The following NXPE2 variants were observed in gnomAD, a reference collection of about 807,000 sequenced individuals.
The protein encoded by NXPE2 is neurexophilin and PC-esterase domain family member 2.
A neutral mutation model predicts 34.4 loss-of-function variants in NXPE2; 34 were observed. The observed-to-expected ratio is 0.99, with a 90% CI of 0.75 to 1.31. The LOEUF (loss-of-function observed/expected upper bound fraction) is 1.31. NXPE2 is among the 40% of genes most tolerant of loss of function. The pLI, the probability that NXPE2 is intolerant of heterozygous loss-of-function variation, is 0.00. For synonymous variants in NXPE2, 235 were observed against 231.3 expected, an observed-to-expected ratio of 1.02 and a Z score of -0.15; for missense variants, 649 against 672.5, an observed-to-expected ratio of 0.97 and a Z score of 0.39.
At chr11:114,691,772 G>T (rs1951155509) in intron 2 of NXPE2, among the ~76,000 whole-genome samples, 1 of 152,212 alleles carries the variant, frequency 6.6e-6, no homozygotes, top group Non-Finnish European at 1.5e-5. Flanking sequence ...GCTTTGGTGA[G>T]CTGTGCTCCC....
At chr11:114,759,356 C>G in the NXPE2 span, among the ~76,000 whole-genome samples, 17 of 152,304 alleles carry the variant, frequency 1.1e-4, 1 homozygote, top group African/African-American at 4.1e-4. Flanking sequence ...GTCTCTGTAC[C>G]TCAGTCTCTT....
chr11:114,773,940 G>A, the NXPE2 span, among the ~76,000 whole-genome samples: 46 of 152,126 alleles, frequency 3.0e-4, no homozygotes, highest in African/African-American at 2.4e-5. Context: ...AGCTTAAGAC[G>A]GCAGATCGCA....
chr11:114,615,864 C>G, the NXPE2 span, among the ~76,000 whole-genome samples: 1 of 151,600 alleles, frequency 6.6e-6, no homozygotes, highest in Admixed American at 6.6e-5. Flanking sequence ...CGTGTGTAAG[C>G]ACTGTGACCT....
At chr11:114,559,848 T>A in the NXPE2 span, 1 of 152,362 alleles carries the variant, frequency 6.6e-6, no homozygotes, top group Non-Finnish European at 1.5e-5. Flanking sequence ...ACCTGTGAGT[T>A]CTTAACTGGC....
the NXPE2 span, among the ~76,000 whole-genome samples, chr11:114,805,496 G>A: frequency 8.5e-5 from 13 of 152,322 alleles, no homozygotes; most frequent in East Asian, 2.5e-3. Flanking sequence ...CCCTAATACT[G>A]AAGCTTTTCC....
At chr11:114,782,078 C>A in the NXPE2 span, among the ~76,000 whole-genome samples, 15 of 152,196 alleles carry the variant, frequency 9.9e-5, no homozygotes, top group Non-Finnish European at 1.8e-4. Context: ...CTCTAGATTA[C>A]TTCTAATACC....
chr11:114,470,582 CGTGTGTGTGTGTGT>C, the NXPE2 span, among the ~76,000 whole-genome samples: 37,291 of 144,856 alleles, frequency 0.26, 4,751 homozygotes, highest in East Asian at 0.37. Flanking sequence ...AAAGAATTGA[CGTGTGTGTGTGTGT>C]GTGTGTGTGT....
the NXPE2 span, among the ~76,000 whole-genome samples, chr11:114,650,234 A>C: frequency 8.5e-5 from 13 of 152,316 alleles, no homozygotes; most frequent in South Asian, 2.1e-4. Flanking sequence ...AGCACAGGAA[A>C]AAGAGGAGAG....
intron 3 of NXPE2, among the ~76,000 whole-genome samples, chr11:114,700,574 TC>T (rs1951347544): frequency 6.6e-6 from 1 of 152,072 alleles, no homozygotes; most frequent in African/African-American, 2.4e-5. Flanking sequence ...TTAGAAGTCA[TC>T]TATGTCTGTC....
chr11:114,549,593 A>G, the NXPE2 span, among the ~76,000 whole-genome samples: 2 of 152,086 alleles, frequency 1.3e-5, no homozygotes, highest in Non-Finnish European at 2.9e-5. Context: ...TCCTCTACAC[A>G]TAAAATATAT....
At chr11:114,718,047 A>G in the NXPE2 span, among the ~76,000 whole-genome samples, 3 of 152,168 alleles carry the variant, frequency 2.0e-5, no homozygotes, top group Non-Finnish European at 4.4e-5. Flanking sequence ...GCTGGGCTCA[A>G]TTGTGTAGTC....
chr11:114,719,830 C>G, the NXPE2 span, among the ~76,000 whole-genome samples: 1 of 152,126 alleles, frequency 6.6e-6, no homozygotes, highest in African/African-American at 2.4e-5. Context: ...GTACAGGGCC[C>G]CTGAAGACCC....
At chr11:114,635,846 G>T in the NXPE2 span, among the ~76,000 whole-genome samples, 1 of 152,072 alleles carries the variant, frequency 6.6e-6, no homozygotes, top group Non-Finnish European at 1.5e-5. Context: ...GCTTTTTGAT[G>T]TGTTGCTGTA....
chr11:114,691,188 C>T (rs753457322), intron 2 of NXPE2, among the ~76,000 whole-genome samples: 2 of 152,078 alleles, frequency 1.3e-5, no homozygotes, highest in Non-Finnish European at 2.9e-5. Flanking sequence ...GGTTCCTTCT[C>T]ATCTGACGGA....
chr11:114,472,586 T>C, the NXPE2 span, among the ~76,000 whole-genome samples: 1 of 152,110 alleles, frequency 6.6e-6, no homozygotes, highest in Non-Finnish European at 1.5e-5. Flanking sequence ...GGGTGGGTTA[T>C]AAACAACAGA....
the NXPE2 span, among the ~76,000 whole-genome samples, chr11:114,497,191 C>A: frequency 6.6e-6 from 1 of 152,012 alleles, no homozygotes; most frequent in Non-Finnish European, 1.5e-5. Context: ...ATGATCCTGA[C>A]CCTGTGTAGG....
At position 114,688,609 on chromosome 11, in the gene NXPE2, T is replaced by C. The variant is rs191293857; in HGVS notation, c.132+8847T>C. Among the ~76,000 whole-genome samples the C allele has an allele frequency of 2.0e-5, 3 of 152,244 alleles. No individual in the cohort carries two copies. In the East Asian group the frequency reaches 5.8e-4, roughly 29 times the overall value. ...AATGATACTGGTTTTGTAGAATGAA[T>C]TAGAGAAGAGTTCTTTCTCCTTGAT... On this transcript the variant is annotated intron_variant, in intron 2 of 5. Coordinates refer to ENST00000389586, the MANE Select transcript of NXPE2 (RefSeq NM_182495.6).
chr11:114,803,813 C>T, the NXPE2 span, among the ~76,000 whole-genome samples: 1 of 151,996 alleles, frequency 6.6e-6, no homozygotes, highest in African/African-American at 2.4e-5. Context: ...CTCCAGACCT[C>T]GTGATCCGCC....
chr11:114,600,913 G>A, the NXPE2 span, among the ~76,000 whole-genome samples: 10 of 151,888 alleles, frequency 6.6e-5, no homozygotes, highest in African/African-American at 2.4e-4. Flanking sequence ...TTTTCAAATG[G>A]GAAAATATAA....
Sources: allele counts gnomAD v4.1 joint callset (sites outside exome capture counted in the v4.1 genomes callset), GRCh38; gene constraint gnomAD v4.1.1; transcripts MANE v1.5; gene names NCBI Gene and HGNC (gene_info 2026-07-23, HGNC 2026-07-21).